Variants in SLC24A2 observed in about 807,000 individuals in gnomAD.
SLC24A2 encodes solute carrier family 24 member 2, also known as sodium/potassium/calcium exchanger 2.
In SLC24A2, 36 loss-of-function variants were observed where a neutral mutation model predicts 62.0. The observed-to-expected ratio is 0.58, with a 90% CI of 0.44 to 0.77. SLC24A2 has a LOEUF of 0.77. Ranked by LOEUF, SLC24A2 falls within the 30% of genes least tolerant of loss-of-function variation. The probability of loss-of-function intolerance (pLI) is 0.00; values close to 1 mark genes in which losing one functional copy is unlikely to be tolerated. For missense variants in SLC24A2, 846 were observed against 817.9 expected (o/e 1.03, Z -0.42); for synonymous variants, 358 against 294.0 (o/e 1.22, Z -2.23).
chr9:19,851,723 T>G, the SLC24A2 span, among the ~76,000 whole-genome samples: 1 of 152,342 alleles, frequency 6.6e-6, no homozygotes, highest in East Asian at 1.9e-4. Context: ...AAAAATCCAG[T>G]TAATCATTGG....
intron 7 of SLC24A2, among the ~76,000 whole-genome samples, chr9:19,560,307 CA>C (rs1337262101): frequency 1.7e-5 from 2 of 119,696 alleles, no homozygotes; most frequent in Non-Finnish European, 3.4e-5. Context: ...GCCCGCCCCC[CA>C]CCCCCAATTC....
upstream of SLC24A2, among the ~76,000 whole-genome samples, chr9:19,789,571 A>G (rs550751015): frequency 2.0e-5 from 3 of 152,248 alleles, no homozygotes; most frequent in South Asian, 6.2e-4. Context: ...TGAAAGTGAG[A>G]CCCAAAACCC....
At chr9:19,945,802 C>T in the SLC24A2 span, among the ~76,000 whole-genome samples, 1 of 152,192 alleles carries the variant, frequency 6.6e-6, no homozygotes, top group Non-Finnish European at 1.5e-5. Flanking sequence ...GGTTTCTTCC[C>T]ATTACAGTGT....
the SLC24A2 span, among the ~76,000 whole-genome samples, chr9:19,924,817 T>C: frequency 6.6e-6 from 1 of 152,226 alleles, no homozygotes; most frequent in African/African-American, 2.4e-5. Flanking sequence ...CTTCCTGCTC[T>C]CCTGTCTCTG....
At chr9:19,855,223 T>C in the SLC24A2 span, among the ~76,000 whole-genome samples, 1 of 152,206 alleles carries the variant, frequency 6.6e-6, no homozygotes, top group Non-Finnish European at 1.5e-5. Flanking sequence ...AGCGCACTGA[T>C]GGGTCTTGAC....
At chr9:19,683,041 TAC>T (rs1389733438) in intron 2 of SLC24A2, among the ~76,000 whole-genome samples, 3 of 152,178 alleles carry the variant, frequency 2.0e-5, no homozygotes, top group African/African-American at 7.2e-5. Context: ...AAAAATCAGC[TAC>T]ACAAATTTCA....
the SLC24A2 span, among the ~76,000 whole-genome samples, chr9:20,109,798 A>G: frequency 7.8e-4 from 118 of 152,230 alleles, 1 homozygote; most frequent in African/African-American, 2.6e-3. Context: ...TACCAAACCC[A>G]AGGGCGTGGT....
At chr9:19,544,943 T>C (rs1025680426) in intron 8 of SLC24A2, among the ~76,000 whole-genome samples, 7 of 152,208 alleles carry the variant, frequency 4.6e-5, no homozygotes, top group African/African-American at 1.7e-4. Flanking sequence ...TGTGGTGTTC[T>C]CTGTATTTCC....
the SLC24A2 span, among the ~76,000 whole-genome samples, chr9:20,209,033 C>T: frequency 2.0e-5 from 3 of 152,156 alleles, no homozygotes; most frequent in African/African-American, 7.2e-5. Flanking sequence ...CACTCATATG[C>T]CCTCTCTGTA....
the SLC24A2 span, among the ~76,000 whole-genome samples, chr9:20,078,808 T>A: frequency 2.6e-5 from 4 of 152,190 alleles, no homozygotes; most frequent in African/African-American, 4.8e-5. Flanking sequence ...AAGCATTCCC[T>A]ATGGCAGCCC....
rs1238769705 is a variant in SLC24A2 at position 19,786,898 on chromosome 9, C to G, written c.-32G>C. The G allele has an allele frequency of 1.2e-6, 2 of 1,601,870 alleles. No individual in the cohort carries two copies. Among genetic ancestry groups the G allele is most frequent in the Non-Finnish European group, 1.7e-6 (2 of 1,179,600 alleles). ...TCTTCTGGTGGATATGGTGATCTTC[C>G]AACTTTAGACTCAACCAGATGGTTC... is the stretch of plus-strand genomic sequence containing the variant. On this transcript the variant is annotated 5_prime_UTR_variant, in exon 2 of 11. Transcript: ENST00000341998. This position sits in a 1 kb window ranked among gnomAD's most constrained non-coding sequence, Gnocchi z 5.0.
At chr9:19,650,748 A>T (rs1326345012) in intron 2 of SLC24A2, among the ~76,000 whole-genome samples, 1 of 152,142 alleles carries the variant, frequency 6.6e-6, no homozygotes, top group African/African-American at 2.4e-5. Flanking sequence ...AAATAAAAAT[A>T]CAGAAACAAA....
the SLC24A2 span, among the ~76,000 whole-genome samples, chr9:19,837,054 A>G: frequency 6.6e-6 from 1 of 152,208 alleles, no homozygotes; most frequent in African/African-American, 2.4e-5. Flanking sequence ...CTCTCAAAAA[A>G]TTAGGTATTG....
rs199634140 is a variant in SLC24A2, at chr9:19,738,987, C to T, written c.930+46950G>A. Among the ~76,000 whole-genome samples the T allele has an allele frequency of 1.3e-4, 20 of 152,016 alleles. No individual in the cohort carries two copies. In the East Asian group the frequency reaches 2.7e-3, roughly 21 times the overall value. On this transcript the variant is annotated intron_variant, in intron 2 of 10. Coordinates refer to ENST00000341998, the MANE Select transcript of SLC24A2 (RefSeq NM_020344.4). The stretch of plus-strand genomic sequence containing the variant: ...CAAAAATTAGCCAGGCATGGTGGTG[C>T]GCACCGGTAGTCCCAGCTACTCATG...
the SLC24A2 span, among the ~76,000 whole-genome samples, chr9:20,073,511 T>C: frequency 6.6e-6 from 1 of 152,172 alleles, no homozygotes; most frequent in East Asian, 1.9e-4. Flanking sequence ...GAGGGAATTA[T>C]ACTGGGTGTG....
chr9:19,917,002 T>TTTTTTTTTC, the SLC24A2 span, among the ~76,000 whole-genome samples: 1 of 148,584 alleles, frequency 6.7e-6, no homozygotes. Context: ...TTTTTTTTTT[T>TTTTTTTTTC]TGTGCCTACA....
At chr9:19,818,627 A>C in the SLC24A2 span, among the ~76,000 whole-genome samples, 1 of 152,142 alleles carries the variant, frequency 6.6e-6, no homozygotes, top group African/African-American at 2.4e-5. Flanking sequence ...ATACTTAGAA[A>C]TATACCTAAC....
chr9:19,702,553 A>T (rs71508797), intron 2 of SLC24A2, among the ~76,000 whole-genome samples: 27,219 of 152,166 alleles, frequency 0.18, 2,587 homozygotes, highest in Middle Eastern at 0.24. Flanking sequence ...ATCTATTAAA[A>T]CTAGGGCTCC....
the SLC24A2 span, among the ~76,000 whole-genome samples, chr9:20,055,160 T>C: frequency 6.6e-6 from 1 of 152,150 alleles, no homozygotes; most frequent in Non-Finnish European, 1.5e-5. Context: ...ACACATCCCC[T>C]TGCTGCGTCA....
Sources: gnomAD v4.1 joint callset for allele counts (sites outside exome capture counted in the v4.1 genomes callset) on GRCh38, gnomAD v4.1.1 for gene constraint, Gnocchi (gnomAD v3.1) non-coding constraint, MANE v1.5 for transcripts, NCBI Gene and HGNC (gene_info 2026-07-23, HGNC 2026-07-21) for gene names.